The following EDC3 variants were observed in gnomAD, a reference collection of about 807,000 sequenced individuals.
The protein encoded by EDC3 is enhancer of mRNA decapping 3, also known as enhancer of mRNA-decapping protein 3.
EDC3 carries 20 observed loss-of-function variants against 41.8 expected under a neutral mutation model. The ratio of observed to expected loss-of-function variants is 0.48; its 90% CI spans 0.34 to 0.70. The LOEUF (loss-of-function observed/expected upper bound fraction) is 0.70, where lower values mean the gene tolerates loss of function less well. EDC3 is among the 30% of genes least tolerant of loss of function. EDC3 has a pLI of 0.01. For missense variants in EDC3, 444 were observed against 636.8 expected (o/e 0.70, Z 3.26); for synonymous variants, 206 against 243.2 (o/e 0.85, Z 1.42).
At chr15:74,665,999 T>C (rs1029392469) in intron 3 of EDC3, among the ~76,000 whole-genome samples, 6 of 152,050 alleles carry the variant, frequency 3.9e-5, no homozygotes, top group African/African-American at 7.2e-5. Flanking sequence ...GGTTTCACCA[T>C]GTTGCCTAGG....
At chr15:74,662,328 G>A (rs552018773) in intron 3 of EDC3, among the ~76,000 whole-genome samples, 81 of 152,000 alleles carry the variant, frequency 5.3e-4, no homozygotes, top group Middle Eastern at 3.4e-3. Flanking sequence ...ACAGAGGGCA[G>A]GAATGATGTC....
Position 74,679,246 on chromosome 15 carries a change from T to C in EDC3, c.-18-4104A>G, listed in dbSNP as rs139015497. ...GAAGCATTTCCCAATTTGTTCAATG[T>C]AGCTAGTATAACTCTGACGTGAAAG... On this transcript the variant is annotated intron_variant, in intron 1 of 6. Transcript: ENST00000315127. 3.5e-4 allele frequency among the ~76,000 whole-genome samples: 53 copies of C among 152,062 alleles called. No individual in the cohort carries two copies. The East Asian group carries it at 8.5e-3, about 24-fold the overall frequency.
At chr15:74,649,786 C>T (rs529061136) in intron 4 of EDC3, among the ~76,000 whole-genome samples, 1 of 151,822 alleles carries the variant, frequency 6.6e-6, no homozygotes, top group African/African-American at 2.4e-5. Flanking sequence ...CCACATCTCC[C>T]TATCCCTCAT....
At chr15:74,692,614 A>G (rs1239538508) in intron 1 of EDC3, among the ~76,000 whole-genome samples, 1 of 152,238 alleles carries the variant, frequency 6.6e-6, no homozygotes, top group East Asian at 1.9e-4. Flanking sequence ...ACAAAATGTT[A>G]GCAAATTGAA....
chr15:74,694,497 G>A (rs2063043567), intron 1 of EDC3, among the ~76,000 whole-genome samples: 1 of 152,150 alleles, frequency 6.6e-6, no homozygotes, highest in Non-Finnish European at 1.5e-5. Flanking sequence ...GTACATACGG[G>A]GTTTCACCAC....
At chr15:74,651,109 T>G (rs904342620) in intron 4 of EDC3, among the ~76,000 whole-genome samples, 5 of 152,138 alleles carry the variant, frequency 3.3e-5, no homozygotes, top group African/African-American at 1.2e-4. Flanking sequence ...CTTTGGGGAG[T>G]TCTCACCACT....
At position 74,635,330 on chromosome 15, in the gene EDC3, G is replaced by A. The variant is rs2062258747; in HGVS notation, c.1192+79C>T. The A allele has an allele frequency of 9.3e-6, 13 of 1,393,606 alleles. No homozygotes were observed. The South Asian group carries it at 1.0e-4, about 11-fold the overall frequency. The allele number at this position is 1,393,606 out of a possible 1,614,324, so 86.3% of individuals were successfully genotyped here. ...CACACGTAGTGCCTTTCCACCTGTC[G>A]CCACTGGGTGGCATGACGAGACCAT... is the stretch of plus-strand genomic sequence containing the variant. On this transcript the variant is annotated intron_variant, in intron 6 of 6. Transcript: ENST00000315127.
intron 4 of EDC3, among the ~76,000 whole-genome samples, chr15:74,646,031 C>T (rs1047991867): frequency 1.3e-5 from 2 of 151,016 alleles, no homozygotes; most frequent in Non-Finnish European, 2.9e-5. Context: ...ATACAGAGAC[C>T]GTTCCCAGTC....
intron 4 of EDC3, 51 bp from the exon 5 acceptor site, chr15:74,640,670 C>T: frequency 1.2e-6 from 2 of 1,609,926 alleles, no homozygotes; most frequent in Non-Finnish European, 8.5e-7. Flanking sequence ...GAAACCAAGT[C>T]CAAACCGGGT....
chr15:74,650,362 C>G (rs2062466554), intron 4 of EDC3, among the ~76,000 whole-genome samples: 1 of 152,180 alleles, frequency 6.6e-6, no homozygotes, highest in African/African-American at 2.4e-5. Context: ...ACCAGTCTCC[C>G]ACACAGCCCT....
chr15:74,671,425 G>T lies in EDC3; in HGVS notation c.484+30C>A. The T allele has an allele frequency of 6.3e-7, 1 of 1,591,072 alleles. No homozygotes were observed. Among genetic ancestry groups the T allele is most frequent in the South Asian group, 1.1e-5 (1 of 88,374 alleles). ...GCTTATAGCCCTGAAACACCAGATT[G>T]AGAAGAAATATCAACTTGACCCTAC... is the stretch of plus-strand genomic sequence containing the variant. On this transcript the variant is annotated intron_variant, in intron 3 of 6. Coordinates refer to ENST00000315127, the MANE Select transcript of EDC3 (RefSeq NM_025083.5). This position sits in a 1 kb window ranked among gnomAD's most constrained non-coding sequence, Gnocchi z 4.6.
chr15:74,663,107 T>C (rs1281968670), intron 3 of EDC3, among the ~76,000 whole-genome samples: 2 of 152,026 alleles, frequency 1.3e-5, no homozygotes, highest in Non-Finnish European at 2.9e-5. Context: ...GCCAACATGG[T>C]GAAACCCTGT....
chr15:74,635,370 G>A (rs2062259339), intron 6 of EDC3, 39 bp downstream of exon 6: 2 of 1,589,380 alleles, frequency 1.3e-6, no homozygotes, highest in Middle Eastern at 1.7e-4. Flanking sequence ...CTGCTAAGGA[G>A]GGAGGAGGCC....
Position 74,675,029 on chromosome 15 carries a change from G to A in EDC3, c.96C>T (p.Ser32=). 1 of 1,614,008 alleles carries A rather than the reference G, an allele frequency of 6.2e-7. No individual in the cohort carries two copies. The highest frequency in any genetic ancestry group is 8.5e-7 in the Non-Finnish European group (1 of 1,180,034). Residue 32 remains serine (S), a synonymous_variant, in exon 2 of 7, where the codon AGC becomes AGT. Coordinates refer to ENST00000315127, the MANE Select transcript of EDC3 (RefSeq NM_025083.5). The part of the protein sequence containing the change: ...QGRVSAVDQV[S]QTISLTRPFH... ...AAGGCCGGGTGAGAGAAATGGTCTG[G>A]CTGACCTGATCCACAGCTGACACTC...
intron 1 of EDC3, among the ~76,000 whole-genome samples, chr15:74,685,435 A>T (rs980864476): frequency 1.3e-5 from 2 of 152,076 alleles, no homozygotes; most frequent in Non-Finnish European, 2.9e-5. Flanking sequence ...ATAGATAGAT[A>T]GTGTGTGTGT....
intron 4 of EDC3, among the ~76,000 whole-genome samples, chr15:74,649,385 G>T (rs150627930): frequency 0.024 from 3,639 of 152,096 alleles, 151 homozygotes; most frequent in African/African-American, 0.083. Context: ...TCCCAAAGTG[G>T]TGGGATTACA....
chr15:74,681,278 G>A (rs1024223752), intron 1 of EDC3, among the ~76,000 whole-genome samples: 3 of 152,058 alleles, frequency 2.0e-5, no homozygotes, highest in Non-Finnish European at 4.4e-5. Context: ...TCAGCCTCCC[G>A]AGTAGCTGGC....
In EDC3 at chr15:74,681,425, C is replaced by G. The variant is rs151240842; in HGVS notation, c.-18-6283G>C. Reference sequence around the variant, plus strand: ...CTCAGCCTCCCAAAGTGCTGGATTACAGGCGTGAGCCACCACGCCTGGCTG... The same window carrying G: ...CTCAGCCTCCCAAAGTGCTGGATTAGAGGCGTGAGCCACCACGCCTGGCTG... On this transcript the variant is annotated intron_variant, in intron 1 of 6. Coordinates refer to ENST00000315127, the MANE Select transcript of EDC3 (RefSeq NM_025083.5). Among the ~76,000 whole-genome samples the G allele has an allele frequency of 2.4e-4, 37 of 152,328 alleles. 1 individual carries two copies. In the East Asian group the frequency reaches 6.9e-3, roughly 29 times the overall value.
intron 1 of EDC3, among the ~76,000 whole-genome samples, chr15:74,692,175 A>C (rs565804525): frequency 6.6e-6 from 1 of 152,306 alleles, no homozygotes; most frequent in South Asian, 2.1e-4. Context: ...TAATCACAGA[A>C]ACCATGTGGC....
Sources: gnomAD v4.1 joint callset for allele counts (sites outside exome capture counted in the v4.1 genomes callset) on GRCh38, gnomAD v4.1.1 for gene constraint, Gnocchi (gnomAD v3.1) non-coding constraint, MANE v1.5 for transcripts, NCBI Gene and HGNC (gene_info 2026-07-23, HGNC 2026-07-21) for gene names.